The following ADAMTS6 variants were observed in gnomAD, a reference collection of about 807,000 sequenced individuals.
ADAMTS6 encodes A disintegrin and metalloproteinase with thrombospondin motifs 6.
Under a neutral mutation model 144.3 loss-of-function variants are expected in ADAMTS6, and 23 were observed. The ratio of observed to expected loss-of-function variants is 0.16; its 90% confidence interval spans 0.11 to 0.23. The LOEUF is 0.23. Ranked by LOEUF, ADAMTS6 falls within the 10% of genes least tolerant of loss-of-function variation. The pLI is 1.00. For missense variants in ADAMTS6, 999 were observed against 1,379.6 expected (o/e 0.72, Z 4.37); for synonymous variants, 444 against 457.5 (o/e 0.97, Z 0.38).
At chr5:65,337,258 A>C (rs1193198173) in intron 7 of ADAMTS6, among the ~76,000 whole-genome samples, 1 of 152,162 alleles carries the variant, frequency 6.6e-6, no homozygotes, top group Non-Finnish European at 1.5e-5. Context: ...GCACATAACA[A>C]AATGTTCAGC....
At chr5:65,472,475 G>T (rs1437007173) in intron 2 of ADAMTS6, among the ~76,000 whole-genome samples, 1 of 152,034 alleles carries the variant, frequency 6.6e-6, no homozygotes, top group Non-Finnish European at 1.5e-5. Flanking sequence ...ACCTTAAATG[G>T]GTGAATTCTA....
chr5:65,409,992 G>T (rs751275596), intron 7 of ADAMTS6, among the ~76,000 whole-genome samples: 18 of 152,010 alleles, frequency 1.2e-4, no homozygotes, highest in Non-Finnish European at 2.1e-4. Flanking sequence ...ACATACTCTA[G>T]AAAGAAAAAA....
At chr5:65,269,894 A>G (rs1165346018) in intron 12 of ADAMTS6, among the ~76,000 whole-genome samples, 1 of 151,450 alleles carries the variant, frequency 6.6e-6, no homozygotes, top group African/African-American at 2.4e-5. Flanking sequence ...CCTGGGTTCA[A>G]GTGATCCTCC....
intron 24 of ADAMTS6, among the ~76,000 whole-genome samples, chr5:65,152,252 C>T (rs577475188): frequency 1.3e-5 from 2 of 152,358 alleles, no homozygotes; most frequent in South Asian, 4.1e-4. Context: ...GATAAGTGAT[C>T]ACTTTAGACA....
At chr5:65,280,473 G>T (rs1328892207) in intron 11 of ADAMTS6, among the ~76,000 whole-genome samples, 1 of 152,092 alleles carries the variant, frequency 6.6e-6, no homozygotes, top group Admixed American at 6.6e-5. Flanking sequence ...ATTATAAAAA[G>T]ACCTTTCTTT....
chr5:65,398,806 A>AG (rs1231570261), intron 7 of ADAMTS6, among the ~76,000 whole-genome samples: 1 of 95,430 alleles, frequency 1.0e-5, no homozygotes, highest in Non-Finnish European at 2.3e-5. Context: ...GAAAGAAAGA[A>AG]AGAAAGAAAG....
chr5:65,348,252 C>T (rs1748529332), intron 7 of ADAMTS6, among the ~76,000 whole-genome samples: 1 of 152,094 alleles, frequency 6.6e-6, no homozygotes, highest in African/African-American at 2.4e-5. Context: ...GACATGAAAT[C>T]AATCTCTGTC....
intron 1 of ADAMTS6, among the ~76,000 whole-genome samples, chr5:65,480,232 A>G (rs1761109887): frequency 6.6e-6 from 1 of 152,188 alleles, no homozygotes; most frequent in Non-Finnish European, 1.5e-5. Context: ...AACATGTTGA[A>G]AATCACACTC....
At chr5:65,259,155 G>A (rs1024170616) in intron 14 of ADAMTS6, among the ~76,000 whole-genome samples, 3 of 152,018 alleles carry the variant, frequency 2.0e-5, no homozygotes, top group East Asian at 3.9e-4. Context: ...TCAGGAGTTC[G>A]AGACCAGTCT....
chr5:65,433,155 G>A (rs1349491451), intron 7 of ADAMTS6, among the ~76,000 whole-genome samples: 1 of 152,092 alleles, frequency 6.6e-6, no homozygotes, highest in East Asian at 1.9e-4. Context: ...ACACCCTAAT[G>A]AAGTTATGCT....
In ADAMTS6 at chr5:65,452,768, A is replaced by T. The variant is rs1381960065; in HGVS notation, c.782T>A (p.Met261Lys). The change falls in exon 5 of 25, where the codon ATG (methionine) becomes AAG (lysine). Residue 261 changes from methionine (M) to lysine (K), a missense_variant. Met to Lys is a moderately conservative substitution (Grantham distance 95). Around this residue, in one of 3 missense-constraint regions of ADAMTS6, gnomAD observed 128 missense variants for 249.0 expected, o/e 0.51. Coordinates refer to ENST00000381055, the MANE Select transcript of ADAMTS6 (RefSeq NM_197941.4). ...FVETLVVADK[M>K]MVGYHGRKDI... ...TTTGCGGCCATGGTAGCCCACCATC[A>T]TTTTGTCTGCCACTACCAATGTCTC... The T allele has an allele frequency of 6.2e-7, 1 of 1,614,074 alleles. No individual in the cohort carries two copies. Among genetic ancestry groups the T allele is most frequent in the Non-Finnish European group, 8.5e-7 (1 of 1,179,954 alleles).
chr5:65,328,981 G>C (rs758371183), intron 9 of ADAMTS6, among the ~76,000 whole-genome samples: 14 of 152,112 alleles, frequency 9.2e-5, no homozygotes, highest in Admixed American at 3.3e-4. Context: ...GCCTGGAAAA[G>C]GGATGCTGAC....
intron 3 of ADAMTS6, among the ~76,000 whole-genome samples, chr5:65,463,390 T>C (rs1168316889): frequency 6.6e-6 from 1 of 151,988 alleles, no homozygotes; most frequent in Non-Finnish European, 1.5e-5. Flanking sequence ...GGAGCTACAG[T>C]GACTGAAGGG....
intron 22 of ADAMTS6, among the ~76,000 whole-genome samples, chr5:65,181,089 A>G (rs1754321925): frequency 6.6e-6 from 1 of 152,236 alleles, no homozygotes; most frequent in Non-Finnish European, 1.5e-5. Context: ...AGTCACATAT[A>G]TATTAAATGG....
Position 65,214,773 on chromosome 5 carries a change from G to T in ADAMTS6, c.2575+21C>A. 6.2e-7 allele frequency: 1 copy of T among 1,613,858 alleles called. No homozygotes were observed. Among genetic ancestry groups the T allele is most frequent in the Non-Finnish European group, 8.5e-7 (1 of 1,179,948 alleles). Reference sequence around the variant, plus strand: ...GTTCTCCATCTTGCCCTCTGGGTGGGCTGCCTAGTGGGCATCTTACCTCCA... The same window carrying T: ...GTTCTCCATCTTGCCCTCTGGGTGGTCTGCCTAGTGGGCATCTTACCTCCA... On this transcript the variant is annotated intron_variant, in intron 20 of 24. Transcript: ENST00000381055. The surrounding 1 kb of genome is among the most constrained non-coding windows in gnomAD (Gnocchi z 4.6).
At chr5:65,163,495 G>T (rs1255413804) in intron 24 of ADAMTS6, among the ~76,000 whole-genome samples, 1 of 152,146 alleles carries the variant, frequency 6.6e-6, no homozygotes, top group African/African-American at 2.4e-5. Context: ...CATTTGCAAA[G>T]ATGCAAGGTG....
chr5:65,452,213 C>T lies in ADAMTS6; in HGVS notation c.847G>A (p.Ala283Thr). 1 of 1,612,244 alleles carries T rather than the reference C, an allele frequency of 6.2e-7. No homozygotes were observed. Among genetic ancestry groups the T allele is most frequent in the South Asian group, 1.1e-5 (1 of 90,858 alleles). ...AGGCTGGAATCACGGTAAAGTTTGG[C>T]AACCTGACCTCCAGAAAATAAGAAA... ...HYILSVMNIV[A>T]KLYRDSSLGN... is the part of the protein sequence containing the mutation. The change falls in exon 6 of 25, where the codon GCC becomes ACC. Residue 283 changes from alanine (A) to threonine (T), a missense_variant. Ala to Thr is a moderately conservative substitution (Grantham distance 58). Coordinates refer to ENST00000381055, the MANE Select transcript of ADAMTS6 (RefSeq NM_197941.4).
chr5:65,473,482 C>G, intron 2 of ADAMTS6, 95 bp downstream of exon 2: 1 of 1,093,238 alleles, frequency 9.1e-7, no homozygotes, highest in South Asian at 1.4e-5. Context: ...CTACATATCC[C>G]AAAAAAAACT....
At chr5:65,295,771 T>C (rs560826927) in intron 10 of ADAMTS6, among the ~76,000 whole-genome samples, 1 of 152,236 alleles carries the variant, frequency 6.6e-6, no homozygotes, top group South Asian at 2.1e-4. Context: ...AGTTTTAGAA[T>C]ATACTTCTCC....
Sources: gnomAD v4.1 joint callset for allele counts (sites outside exome capture counted in the v4.1 genomes callset) on GRCh38, gnomAD v4.1.1 for gene constraint, gnomAD v4.1.1 regional missense constraint, Gnocchi (gnomAD v3.1) non-coding constraint, MANE v1.5 for transcripts, NCBI Gene and HGNC (gene_info 2026-07-23, HGNC 2026-07-21) for gene names.